Variants in EZR observed in about 807,000 individuals in gnomAD.
EZR encodes cytovillin 2.
Under a neutral mutation model 74.8 loss-of-function variants are expected in EZR, and 40 were observed. The observed-to-expected ratio is 0.53, with a 90% CI of 0.42 to 0.70. The LOEUF is 0.70. Among genes scored for constraint, EZR ranks in the 30% least tolerant of loss-of-function variants. EZR has a pLI of 0.00. For synonymous variants in EZR, 341 were observed against 283.3 expected (o/e 1.20, Z -2.05); for missense variants, 678 against 755.8 (o/e 0.90, Z 1.21).
chr6:158,783,718 G>C (rs965975830), intron 6 of EZR, 52 bp from the exon 7 acceptor site: 9 of 1,572,598 alleles, frequency 5.7e-6, no homozygotes, highest in South Asian at 3.4e-5. Flanking sequence ...TCAATATCTA[G>C]AACAGTAAAA....
chr6:158,779,738 T>C (rs1791378056), intron 7 of EZR, among the ~76,000 whole-genome samples: 4 of 152,054 alleles, frequency 2.6e-5, no homozygotes. Context: ...TAATTTTTTG[T>C]ACTTTTGGTG....
At position 158,813,289 on chromosome 6, in the gene EZR, T is replaced by C. The variant is rs111498362; in HGVS notation, c.12+4793A>G. On this transcript the variant is annotated intron_variant, in intron 2 of 13. Coordinates refer to ENST00000367075, the MANE Select transcript of EZR (RefSeq NM_001111077.2). ...CCCTATTTGCACCCCCACCAGCACA[T>C]ACACACTTCATCTACTCTCAGGCCT... 5.4e-3 allele frequency among the ~76,000 whole-genome samples: 817 copies of C among 152,262 alleles called. 5 individuals carry two copies. Among genetic ancestry groups the C allele is most frequent in the African/African-American group, 0.019 (774 of 41,552 alleles).
At chr6:158,768,661 G>A (rs199981903) in intron 12 of EZR, among the ~76,000 whole-genome samples, 162 of 152,302 alleles carry the variant, frequency 1.1e-3, no homozygotes, top group South Asian at 5.8e-3. Flanking sequence ...GATCCCAGAC[G>A]GAGCGACAAG....
At chr6:158,798,791 G>T (rs1421048139) in intron 2 of EZR, among the ~76,000 whole-genome samples, 1 of 151,978 alleles carries the variant, frequency 6.6e-6, no homozygotes, top group Non-Finnish European at 1.5e-5. Flanking sequence ...ACCACAGCCG[G>T]CTAATTTTTC....
intron 2 of EZR, among the ~76,000 whole-genome samples, chr6:158,810,925 G>A (rs1777439333): frequency 6.6e-6 from 1 of 152,150 alleles, no homozygotes; most frequent in African/African-American, 2.4e-5. Context: ...ACGAAATTTA[G>A]GTTCACAGAT....
intron 2 of EZR, among the ~76,000 whole-genome samples, chr6:158,807,684 A>G (rs1777372766): frequency 6.6e-6 from 1 of 152,160 alleles, no homozygotes; most frequent in Non-Finnish European, 1.5e-5. Context: ...CTCTTGCCAA[A>G]GCCTAGGTGA....
intron 7 of EZR, among the ~76,000 whole-genome samples, chr6:158,779,361 C>G (rs1270181913): frequency 6.6e-6 from 1 of 152,062 alleles, no homozygotes; most frequent in African/African-American, 2.4e-5. Context: ...TGTGTGGCTC[C>G]AGAGAGGGTC....
intron 2 of EZR, among the ~76,000 whole-genome samples, chr6:158,814,513 T>C (rs1016218271): frequency 7.3e-5 from 11 of 151,696 alleles, no homozygotes; most frequent in Middle Eastern, 3.4e-3. Flanking sequence ...TCGCCCTCTG[T>C]GCAGGTCACT....
At chr6:158,798,316 C>A (rs1052895302) in intron 2 of EZR, among the ~76,000 whole-genome samples, 2 of 152,192 alleles carry the variant, frequency 1.3e-5, no homozygotes, top group Admixed American at 1.3e-4. Context: ...AGACTGTGGT[C>A]ATTTTCAAAA....
chr6:158,804,464 C>G (rs948734005), intron 2 of EZR, among the ~76,000 whole-genome samples: 2 of 152,226 alleles, frequency 1.3e-5, no homozygotes, highest in African/African-American at 4.8e-5. Context: ...CATGTGATTT[C>G]AGTTTCACTA....
At chr6:158,818,467 G>A (rs1777614302) in intron 1 of EZR, among the ~76,000 whole-genome samples, 2 of 151,204 alleles carry the variant, frequency 1.3e-5, no homozygotes, top group Non-Finnish European at 3.0e-5. Flanking sequence ...CGCACCCAGG[G>A]GACCCCCAGC....
chr6:158,770,477 C>T (rs1051509158), intron 10 of EZR, among the ~76,000 whole-genome samples: 1 of 152,140 alleles, frequency 6.6e-6, no homozygotes, highest in Non-Finnish European at 1.5e-5. Context: ...ATCACTGTAC[C>T]GCACCAAACC....
In EZR at chr6:158,765,987, A is replaced by C. The variant is rs1481163582; in HGVS notation, c.*927T>G. ...TGAAAGCTCATAGTGGCATGTGTGA[A>C]TCTGACAAAATTAAAAGTGTGCATA... is the stretch of plus-strand genomic sequence containing the variant. On this transcript the variant is annotated 3_prime_UTR_variant, in exon 14 of 14. Transcript: ENST00000367075. 6 of 152,644 alleles carry C rather than the reference A, an allele frequency of 3.9e-5. No homozygotes were observed. The highest frequency in any genetic ancestry group is 5.9e-5 in the Non-Finnish European group (4 of 68,052). 9.5% of individuals were successfully genotyped at this position (152,644 alleles called of 1,614,324 possible).
chr6:158,771,003 G>A (rs1791089116), intron 9 of EZR, 109 bp from the exon 10 acceptor site: 1 of 1,518,820 alleles, frequency 6.6e-7, no homozygotes. Flanking sequence ...GGTATCCTGA[G>A]GGCCACCCTA....
intron 2 of EZR, among the ~76,000 whole-genome samples, chr6:158,814,459 G>A (rs1777512105): frequency 6.6e-6 from 1 of 151,964 alleles, no homozygotes; most frequent in Admixed American, 6.6e-5. Flanking sequence ...CCCGCATCTT[G>A]GCCCAGGTAC....
At chr6:158,791,377 T>G (rs1791740231) in intron 2 of EZR, among the ~76,000 whole-genome samples, 1 of 152,210 alleles carries the variant, frequency 6.6e-6, no homozygotes, top group African/African-American at 2.4e-5. Context: ...AAATGGCTGT[T>G]ATGAAGCATA....
chr6:158,818,863 G>A (rs1777627656), intron 1 of EZR, among the ~76,000 whole-genome samples: 1 of 143,670 alleles, frequency 7.0e-6, no homozygotes, highest in African/African-American at 2.6e-5. Flanking sequence ...GGGGGCACTC[G>A]CTGGGGAGGG....
Position 158,787,223 on chromosome 6 carries a change from G to C in EZR, c.97-20C>G, listed in dbSNP as rs1583570480. Reference sequence around the variant, plus strand: ...TACCACCTGCGTGAGAGAGAGAGAGGCTCAACACTCATGAGAAACTCACTC... The same window carrying C: ...TACCACCTGCGTGAGAGAGAGAGAGCCTCAACACTCATGAGAAACTCACTC... On this transcript the variant is annotated intron_variant, in intron 3 of 13. Coordinates refer to ENST00000367075, the MANE Select transcript of EZR (RefSeq NM_001111077.2). The C allele has an allele frequency of 6.3e-7, 1 of 1,580,368 alleles. No individual in the cohort carries two copies. The highest frequency in any genetic ancestry group is 8.7e-7 in the Non-Finnish European group (1 of 1,150,158).
chr6:158,786,210 A>T lies in EZR; in HGVS notation c.193-627T>A, dbSNP rs987901656. 2.6e-5 allele frequency among the ~76,000 whole-genome samples: 4 copies of T among 152,248 alleles called. No homozygotes were observed. The South Asian group carries it at 8.3e-4, about 32-fold the overall frequency. ...AACATGGTGAAACCCCATCTCTACT[A>T]AAAATACAAAAAAATTAGCCGGGCA... On this transcript the variant is annotated intron_variant, in intron 4 of 13. Coordinates refer to ENST00000367075, the MANE Select transcript of EZR (RefSeq NM_001111077.2).
Sources: gnomAD v4.1 joint callset for allele counts (sites outside exome capture counted in the v4.1 genomes callset) on GRCh38, gnomAD v4.1.1 for gene constraint, MANE v1.5 for transcripts, NCBI Gene and HGNC (gene_info 2026-07-23, HGNC 2026-07-21) for gene names.